Variants in DHX30 observed in about 807,000 individuals in gnomAD.
DHX30 encodes ATP-dependent RNA helicase DHX30.
Under a neutral mutation model 116.9 loss-of-function variants are expected in DHX30, and 4 were observed. The ratio of observed to expected loss-of-function variants is 0.03; its 90% confidence interval spans 0.02 to 0.08. The LOEUF (loss-of-function observed/expected upper bound fraction) is 0.08, where lower values mean the gene tolerates loss of function less well. Ranked by LOEUF, DHX30 falls within the 10% of genes least tolerant of loss-of-function variation. The pLI, the probability that DHX30 is intolerant of heterozygous loss-of-function variation, is 1.00. For missense variants in DHX30, 871 were observed against 1,595.1 expected (o/e 0.55, Z 7.73); for synonymous variants, 697 against 651.7 (o/e 1.07, Z -1.06).
At chr3:47,849,104 C>G in intron 18 of DHX30, 25 bp downstream of exon 18, 1 of 1,611,054 alleles carries the variant, frequency 6.2e-7, no homozygotes, top group South Asian at 1.1e-5. Flanking sequence ...CACCTGCTCT[C>G]CTGAGCCCCT....
chr3:47,838,098 G>C (rs2037205485), intron 6 of DHX30, among the ~76,000 whole-genome samples: 1 of 152,214 alleles, frequency 6.6e-6, no homozygotes, highest in Non-Finnish European at 1.5e-5. Flanking sequence ...TTGCTGCTCT[G>C]TGGAACCAGA....
intron 6 of DHX30, among the ~76,000 whole-genome samples, chr3:47,833,099 T>C (rs571687371): frequency 6.6e-6 from 1 of 152,258 alleles, no homozygotes; most frequent in African/African-American, 2.4e-5. Context: ...TATTTTTTTA[T>C]TGTCTTTATT....
chr3:47,811,866 C>T (rs1280919243), intron 3 of DHX30, among the ~76,000 whole-genome samples: 1 of 151,954 alleles, frequency 6.6e-6, no homozygotes, highest in African/African-American at 2.4e-5. Context: ...GAGTTCCAGA[C>T]CAGCCTGGAC....
intron 9 of DHX30, among the ~76,000 whole-genome samples, chr3:47,843,753 T>C (rs751539246): frequency 1.4e-4 from 21 of 152,104 alleles, no homozygotes; most frequent in Non-Finnish European, 2.2e-4. Flanking sequence ...GGCTGGAGTA[T>C]AGTGGCACGA....
chr3:47,839,148 A>G (rs2037249779), intron 6 of DHX30, among the ~76,000 whole-genome samples: 1 of 152,134 alleles, frequency 6.6e-6, no homozygotes, highest in African/African-American at 2.4e-5. Flanking sequence ...GACTTAGGCA[A>G]TGTTTAATTT....
intron 8 of DHX30, 35 bp from the exon 9 acceptor site, chr3:47,843,071 C>A: frequency 6.2e-7 from 1 of 1,610,638 alleles, no homozygotes; most frequent in Non-Finnish European, 8.5e-7. Flanking sequence ...CCATTCCCTA[C>A]ATTTCTGTAA....
Position 47,840,953 on chromosome 3 carries a change from C to G in DHX30, c.443C>G (p.Ser148Cys). 6.2e-7 allele frequency: 1 copy of G among 1,614,228 alleles called. No homozygotes were observed. Among genetic ancestry groups the G allele is most frequent in the Non-Finnish European group, 8.5e-7 (1 of 1,180,046 alleles). ...KYRVLADRFG[S>C]PADSWWRPEP... ...CGAGTGCTAGCTGATCGCTTTGGCT[C>G]CCCTGCCGACAGCTGGTGGCGTCCG... The change falls in exon 7 of 22, where the codon TCC becomes TGC. Residue 148 changes from serine (S) to cysteine (C), a missense_variant. Physicochemically the swap from Ser to Cys is moderately radical, Grantham distance 112 (BLOSUM62 -1). This residue lies in a region of DHX30 where 109 missense variants were observed against 118.8 expected (regional missense o/e 0.92). Transcript: ENST00000445061.
rs376179663 is a variant in DHX30 at position 47,816,185 on chromosome 3, T to G, written c.29-1837T>G. On this transcript the variant is annotated intron_variant, in intron 3 of 21. Transcript: ENST00000445061. The stretch of plus-strand genomic sequence containing the variant: ...AATAAAAAGAAAAAAATCACACATC[T>G]ATAATATTATAAGAGAGCTTATGGG... 212 of 978,018 alleles carry G rather than the reference T, an allele frequency of 2.2e-4. 1 individual carries two copies. In the Middle Eastern group the frequency reaches 6.4e-3, roughly 29 times the overall value. 60.6% of individuals were successfully genotyped at this position (978,018 alleles called of 1,614,324 possible).
intron 3 of DHX30, chr3:47,816,939 G>A (rs1224139376): frequency 2.0e-6 from 2 of 984,828 alleles, no homozygotes; most frequent in Non-Finnish European, 2.4e-6. Flanking sequence ...TAGCTGAAAG[G>A]GCTTTTTCTT....
At chr3:47,812,227 C>A (rs910027303) in intron 3 of DHX30, among the ~76,000 whole-genome samples, 1 of 148,634 alleles carries the variant, frequency 6.7e-6, no homozygotes, top group African/African-American at 2.5e-5. Flanking sequence ...GATGCCATCT[C>A]AAAAATAAAT....
chr3:47,809,279 T>TCGCC (rs1189630275), intron 2 of DHX30, among the ~76,000 whole-genome samples: 16 of 126,688 alleles, frequency 1.3e-4, no homozygotes, highest in African/African-American at 4.8e-4. Flanking sequence ...TCTCACTCTG[T>TCGCC]CGCCCAGGCT....
intron 6 of DHX30, among the ~76,000 whole-genome samples, chr3:47,840,496 C>T (rs562193213): frequency 6.6e-6 from 1 of 151,690 alleles, no homozygotes; most frequent in East Asian, 2.0e-4. Flanking sequence ...ATTCGCTGGG[C>T]GTTGTGGTGC....
At chr3:47,840,686 G>T (rs1192780507) in intron 6 of DHX30, among the ~76,000 whole-genome samples, 191 bp from the exon 7 acceptor site, 1 of 152,122 alleles carries the variant, frequency 6.6e-6, no homozygotes. Context: ...GCCATGTGGG[G>T]TTATTTGTTT....
chr3:47,811,652 G>A (rs2035793695), intron 3 of DHX30, among the ~76,000 whole-genome samples: 1 of 152,172 alleles, frequency 6.6e-6, no homozygotes, highest in African/African-American at 2.4e-5. Context: ...CATCTGTTTG[G>A]CTTCTGGGGA....
chr3:47,849,111 C>T, intron 18 of DHX30, 32 bp downstream of exon 18: 1 of 1,610,634 alleles, frequency 6.2e-7, no homozygotes. Context: ...TCTCCTGAGC[C>T]CCTCCCACCC....
intron 6 of DHX30, among the ~76,000 whole-genome samples, 184 bp downstream of exon 6, chr3:47,829,318 T>A (rs868745769): frequency 1.2e-3 from 103 of 85,580 alleles, no homozygotes; most frequent in African/African-American, 2.6e-3. Context: ...ATATATATTT[T>A]TTTTTTTTTT....
intron 3 of DHX30, among the ~76,000 whole-genome samples, chr3:47,813,912 T>G (rs1341186469): frequency 6.7e-6 from 1 of 150,206 alleles, no homozygotes; most frequent in Non-Finnish European, 1.5e-5. Context: ...TTTTTTTTTT[T>G]GGCCAGCTGT....
At chr3:47,819,274 T>C in intron 4 of DHX30, 1 of 1,367,780 alleles carries the variant, frequency 7.3e-7, no homozygotes, top group South Asian at 1.1e-5. Context: ...GGTGAGTGGC[T>C]CTGAGAGTGT....
intron 3 of DHX30, among the ~76,000 whole-genome samples, chr3:47,815,472 C>T (rs1460457965): frequency 1.3e-5 from 2 of 152,030 alleles, no homozygotes; most frequent in Non-Finnish European, 2.9e-5. Context: ...TAGGATGGGC[C>T]ATTTGATGGT....
Sources: gnomAD v4.1 joint callset for allele counts (sites outside exome capture counted in the v4.1 genomes callset) on GRCh38, gnomAD v4.1.1 for gene constraint, gnomAD v4.1.1 regional missense constraint, MANE v1.5 for transcripts, NCBI Gene and HGNC (gene_info 2026-07-23, HGNC 2026-07-21) for gene names.